Variants in PDZD2 observed in about 807,000 individuals in gnomAD.
PDZD2 encodes the protein PDZ domain containing 2, also known as PDZ domain-containing protein 2.
PDZD2 carries 90 observed loss-of-function variants against 220.7 expected under a neutral mutation model. The observed-to-expected ratio is 0.41, with a 90% CI of 0.34 to 0.49. The LOEUF is 0.49. PDZD2 is among the 20% of genes least tolerant of loss of function. The pLI is 0.28. For synonymous variants in PDZD2, 1,375 were observed against 1,450.5 expected (o/e 0.95, Z 1.18); for missense variants, 3,174 against 3,608.5 (o/e 0.88, Z 3.08).
At chr5:31,793,979 T>C (rs1443280199) in intron 1 of PDZD2, among the ~76,000 whole-genome samples, 1 of 152,182 alleles carries the variant, frequency 6.6e-6, no homozygotes, top group Admixed American at 6.5e-5. Flanking sequence ...GCTCATTCTG[T>C]GCAAACTCCA....
chr5:32,010,536 C>T (rs1753211150), intron 6 of PDZD2, 54 bp downstream of exon 6: 4 of 1,347,262 alleles, frequency 3.0e-6, no homozygotes, highest in Non-Finnish European at 3.2e-6. Context: ...TTCTGAAGTC[C>T]TGGGCGCCAG....
intron 1 of PDZD2, among the ~76,000 whole-genome samples, chr5:31,682,671 C>CTGTGTGTGTG (rs70955735): frequency 2.1e-5 from 3 of 146,238 alleles, no homozygotes; most frequent in Admixed American, 6.8e-5. Context: ...AGTCTTTCGG[C>CTGTGTGTGTG]TGTGTGTGTG....
chr5:31,671,943 A>T (rs958922979), intron 1 of PDZD2, among the ~76,000 whole-genome samples: 1 of 152,130 alleles, frequency 6.6e-6, no homozygotes, highest in Non-Finnish European at 1.5e-5. Context: ...TCTCTCCTGG[A>T]TGTTTTCACC....
At chr5:31,882,715 T>C (rs1258958529) in intron 2 of PDZD2, among the ~76,000 whole-genome samples, 3 of 152,260 alleles carry the variant, frequency 2.0e-5, no homozygotes, top group Admixed American at 6.5e-5. Flanking sequence ...CAAATATTTA[T>C]TGAAACCTAC....
intron 6 of PDZD2, among the ~76,000 whole-genome samples, chr5:32,017,994 G>A (rs1210165668): frequency 6.6e-6 from 1 of 152,150 alleles, no homozygotes; most frequent in Non-Finnish European, 1.5e-5. Context: ...AGACCGCAGG[G>A]CTCCACTGAT....
chr5:31,804,599 C>T (rs576244295), intron 2 of PDZD2, among the ~76,000 whole-genome samples: 15 of 152,248 alleles, frequency 9.9e-5, no homozygotes, highest in African/African-American at 3.4e-4. Flanking sequence ...AGATTTGAAC[C>T]CAAGTCCTTC....
At position 31,656,416 on chromosome 5, in the gene PDZD2, C is replaced by T. The variant is rs573625174; in HGVS notation, c.-361+16979C>T. ...TGGAGGTGTCTTCTTTTTTCCCTTC[C>T]CTCCCAGACTCAGCTGGAACCTCTC... On this transcript the variant is annotated intron_variant, in intron 1 of 24. Coordinates refer to ENST00000438447, the MANE Select transcript of PDZD2 (RefSeq NM_178140.4). Among the ~76,000 whole-genome samples, 222 of 152,216 alleles carry T rather than the reference C, an allele frequency of 1.5e-3. 1 individual carries two copies. Among genetic ancestry groups the T allele is most frequent in the Non-Finnish European group, 2.5e-3 (169 of 68,006 alleles).
chr5:31,995,853 A>T, intron 4 of PDZD2, 135 bp downstream of exon 4: 1 of 812,238 alleles, frequency 1.2e-6, no homozygotes, highest in Non-Finnish European at 1.9e-6. Context: ...GCTGGAGCAC[A>T]GGAGGAAACC....
intron 2 of PDZD2, among the ~76,000 whole-genome samples, chr5:31,870,018 G>C (rs554113740): frequency 2.6e-5 from 4 of 152,162 alleles, no homozygotes; most frequent in Non-Finnish European, 4.4e-5. Flanking sequence ...AGAAAGGGAA[G>C]ACAGAAAGCC....
chr5:31,987,157 T>C (rs1033614270), intron 3 of PDZD2, among the ~76,000 whole-genome samples: 5 of 152,214 alleles, frequency 3.3e-5, no homozygotes, highest in African/African-American at 1.2e-4. Context: ...ATATAGAATG[T>C]AATGTATTTT....
chr5:31,648,194 C>G (rs1419613061), intron 1 of PDZD2, among the ~76,000 whole-genome samples: 1 of 152,140 alleles, frequency 6.6e-6, no homozygotes, highest in African/African-American at 2.4e-5. Flanking sequence ...CATTGCCTAC[C>G]ATTTATGCAC....
chr5:32,082,710 GTGTGTGTATGTA>G (rs1176944769), intron 19 of PDZD2, among the ~76,000 whole-genome samples: 4 of 152,148 alleles, frequency 2.6e-5, no homozygotes, highest in African/African-American at 7.2e-5. Flanking sequence ...TAAGATACGT[GTGTGTGTATGTA>G]TGTGTGTATG....
At chr5:31,897,686 G>A (rs1300584099) in intron 2 of PDZD2, among the ~76,000 whole-genome samples, 7 of 151,686 alleles carry the variant, frequency 4.6e-5, no homozygotes, top group African/African-American at 9.7e-5. Flanking sequence ...CAGAAGAGAC[G>A]CATATGAAAC....
chr5:31,892,001 C>T (rs754785644), intron 2 of PDZD2, among the ~76,000 whole-genome samples: 9 of 152,090 alleles, frequency 5.9e-5, no homozygotes, highest in South Asian at 2.1e-4. Context: ...GCTTCAACCT[C>T]CCAGGCTCTG....
chr5:31,989,501 C>A, intron 3 of PDZD2, among the ~76,000 whole-genome samples: 1 of 148,808 alleles, frequency 6.7e-6, no homozygotes. Context: ...TGGCTCGCTG[C>A]AGCCTCTGCC....
chr5:31,667,469 CGGAGGGAT>C (rs1374922728), intron 1 of PDZD2, among the ~76,000 whole-genome samples: 3 of 151,914 alleles, frequency 2.0e-5, no homozygotes. Flanking sequence ...TAAGGGACTA[CGGAGGGAT>C]GGAGGGGACC....
At chr5:32,026,552 C>T (rs7713492) in intron 6 of PDZD2, among the ~76,000 whole-genome samples, 30,919 of 151,998 alleles carry the variant, frequency 0.2, 3,236 homozygotes, top group African/African-American at 0.24. Flanking sequence ...TGCACGTGCA[C>T]GCACGCACAC....
In PDZD2 at chr5:31,838,100, A is replaced by G. The variant is rs546722415; in HGVS notation, c.476+38376A>G. On this transcript the variant is annotated intron_variant, in intron 2 of 24. Transcript: ENST00000438447. ...TTATACTTTATGGACCCCAGGGTCC[A>G]CTGTTGGAGTGCAGTGGCATGATCT... 3.9e-5 allele frequency among the ~76,000 whole-genome samples: 6 copies of G among 152,266 alleles called. No individual in the cohort carries two copies. The East Asian group carries it at 1.2e-3, about 29-fold the overall frequency.
At chr5:31,985,661 T>G (rs1420561058) in intron 3 of PDZD2, among the ~76,000 whole-genome samples, 1 of 152,040 alleles carries the variant, frequency 6.6e-6, no homozygotes, top group African/African-American at 2.4e-5. Flanking sequence ...ACCACCACCC[T>G]TCATCCTGGT....
Sources: allele counts gnomAD v4.1 joint callset (sites outside exome capture counted in the v4.1 genomes callset), GRCh38; gene constraint gnomAD v4.1.1; transcripts MANE v1.5; gene names NCBI Gene and HGNC (gene_info 2026-07-23, HGNC 2026-07-21).